Variants in UNC13C observed in about 807,000 individuals in gnomAD.
UNC13C encodes the protein protein unc-13 homolog C.
Under a neutral mutation model 245.4 loss-of-function variants are expected in UNC13C, and 174 were observed. That is an observed-to-expected ratio of 0.71 (90% confidence interval 0.63 to 0.80). UNC13C has a LOEUF of 0.80. UNC13C is among the 30% of genes least tolerant of loss of function. UNC13C has a pLI of 0.00. For missense variants in UNC13C, 2,829 were observed against 2,602.9 expected (o/e 1.09, Z -1.89); for synonymous variants, 992 against 895.1 (o/e 1.11, Z -1.93).
chr15:54,050,213 C>T, intron 2 of UNC13C: 1 of 523,756 alleles, frequency 1.9e-6, no homozygotes, highest in East Asian at 5.1e-5. Context: ...CTCAGGTGAT[C>T]CACCCACCTC....
intron 4 of UNC13C, among the ~76,000 whole-genome samples, chr15:54,192,429 G>A (rs1209001163): frequency 1.3e-5 from 2 of 151,994 alleles, no homozygotes; most frequent in African/African-American, 4.8e-5. Context: ...AGTGCATTTG[G>A]ACACAGGGTG....
chr15:54,237,506 A>G, intron 6 of UNC13C, 113 bp from the exon 7 acceptor site: 1 of 808,556 alleles, frequency 1.2e-6, no homozygotes, highest in Admixed American at 2.0e-5. Flanking sequence ...GGTCCTTACT[A>G]ACTAAAATAT....
intron 2 of UNC13C, among the ~76,000 whole-genome samples, chr15:54,141,270 A>G (rs188113174): frequency 3.0e-4 from 46 of 152,256 alleles, no homozygotes; most frequent in African/African-American, 1.1e-3. Context: ...TTTGATTACT[A>G]GATATAAAAT....
chr15:54,226,937 TCTC>T (rs2035402367), intron 4 of UNC13C, among the ~76,000 whole-genome samples: 4 of 152,140 alleles, frequency 2.6e-5, no homozygotes, highest in African/African-American at 7.2e-5. Context: ...CAGCAGCTCT[TCTC>T]CTTCTCATTA....
rs559276419 is a variant in UNC13C at position 54,002,828 on chromosome 15, T to C, written c.-256-9820T>C. Reference sequence around the variant, plus strand: ...TTAAGGACAGAGTTAGATTGCCCTATCAAAGAATGTTGGGCACAGTGGGAA... The same window carrying C: ...TTAAGGACAGAGTTAGATTGCCCTACCAAAGAATGTTGGGCACAGTGGGAA... On this transcript the variant is annotated intron_variant, in intron 1 of 32. Transcript: ENST00000260323. Among the ~76,000 whole-genome samples, 3 of 152,266 alleles carry C rather than the reference T, an allele frequency of 2.0e-5. No homozygotes were observed. The South Asian group carries it at 6.2e-4, about 32-fold the overall frequency.
chr15:54,118,411 A>C (rs2030428176), intron 2 of UNC13C, among the ~76,000 whole-genome samples: 1 of 151,844 alleles, frequency 6.6e-6, no homozygotes, highest in African/African-American at 2.4e-5. Context: ...TCTTGTAGCT[A>C]TTTTAATTGG....
intron 4 of UNC13C, among the ~76,000 whole-genome samples, chr15:54,202,185 G>A (rs1280932408): frequency 1.3e-5 from 2 of 151,876 alleles, no homozygotes; most frequent in African/African-American, 4.8e-5. Context: ...CCAACAAATG[G>A]AAACACATCT....
the UNC13C span, among the ~76,000 whole-genome samples, chr15:53,972,356 G>A: frequency 6.6e-6 from 1 of 152,132 alleles, no homozygotes. Context: ...ACTAGGAAAC[G>A]GGAGAATCTG....
chr15:54,257,528 T>C (rs574063474), intron 8 of UNC13C, among the ~76,000 whole-genome samples: 44 of 152,308 alleles, frequency 2.9e-4, no homozygotes, highest in African/African-American at 1.1e-3. Flanking sequence ...TTTGGCAGTT[T>C]TTTGTAGGCT....
chr15:54,491,198 T>G (rs1189083997), intron 19 of UNC13C, among the ~76,000 whole-genome samples: 1 of 152,144 alleles, frequency 6.6e-6, no homozygotes, highest in African/African-American at 2.4e-5. Flanking sequence ...CATGTACAAA[T>G]GCTCTTGGAA....
In UNC13C at chr15:53,984,499, T is replaced by C. The variant is rs529361253; in HGVS notation, c.-257+5572T>C. ...TTAAGTACAGTGTTTGTGCAAACTT[T>C]GGCAAGTTACTTAAAATTTCTGCAT... On this transcript the variant is annotated intron_variant, in intron 1 of 32. Transcript: ENST00000260323. Among the ~76,000 whole-genome samples the C allele has an allele frequency of 2.0e-5, 3 of 152,306 alleles. No individual in the cohort carries two copies. In the East Asian group the frequency reaches 5.8e-4, roughly 29 times the overall value.
At chr15:54,566,829 C>T (rs964475841) in intron 29 of UNC13C, among the ~76,000 whole-genome samples, 7 of 152,012 alleles carry the variant, frequency 4.6e-5, no homozygotes, top group East Asian at 1.9e-4. Flanking sequence ...TTTAGGAGAG[C>T]GTCTCTGAAT....
the UNC13C span, among the ~76,000 whole-genome samples, chr15:53,870,668 C>T: frequency 6.6e-6 from 1 of 152,150 alleles, no homozygotes; most frequent in Non-Finnish European, 1.5e-5. Context: ...TGACATATGC[C>T]AGGCAAGAGT....
intron 2 of UNC13C, among the ~76,000 whole-genome samples, chr15:54,025,179 C>G (rs1896058866): frequency 6.6e-6 from 1 of 152,216 alleles, no homozygotes; most frequent in African/African-American, 2.4e-5. Flanking sequence ...CTCCAAGCAT[C>G]TTCACTGCCC....
intron 2 of UNC13C, among the ~76,000 whole-genome samples, chr15:54,106,660 C>A (rs1222126779): frequency 1.3e-5 from 2 of 152,184 alleles, no homozygotes; most frequent in Admixed American, 6.5e-5. Context: ...ATTTCCCCCA[C>A]CAAATTTATT....
rs143258487 is a variant in UNC13C at position 54,293,399 on chromosome 15, A to C, written c.3819-496A>C. Among the ~76,000 whole-genome samples the C allele has an allele frequency of 8.8e-3, 1,341 of 152,086 alleles. 24 individuals are homozygous for C. The highest frequency in any genetic ancestry group is 0.031 in the African/African-American group (1,299 of 41,522). On this transcript the variant is annotated intron_variant, in intron 10 of 32. Transcript: ENST00000260323. ...ATCAGAAGGATTTTGCTCTAATTCT[A>C]CTTGATTTAATAATATCTTATGTGC...
At chr15:54,010,846 G>A (rs1369304969) in intron 1 of UNC13C, among the ~76,000 whole-genome samples, 1 of 152,066 alleles carries the variant, frequency 6.6e-6, no homozygotes, top group Non-Finnish European at 1.5e-5. Context: ...AATGACTCCT[G>A]GGTATATGCT....
intron 2 of UNC13C, chr15:54,050,682 G>A (rs1897238243): frequency 1.9e-6 from 1 of 525,024 alleles, no homozygotes; most frequent in Non-Finnish European, 3.8e-6. Flanking sequence ...AAACTCTTTG[G>A]AAACCGGTGA....
chr15:54,251,999 A>G (rs2036164000), intron 8 of UNC13C, among the ~76,000 whole-genome samples: 1 of 152,206 alleles, frequency 6.6e-6, no homozygotes, highest in Admixed American at 6.5e-5. Context: ...AGTTAAGAAT[A>G]ATTATTTTAA....
Sources: gnomAD v4.1 joint callset for allele counts (sites outside exome capture counted in the v4.1 genomes callset) on GRCh38, gnomAD v4.1.1 for gene constraint, MANE v1.5 for transcripts, NCBI Gene and HGNC (gene_info 2026-07-23, HGNC 2026-07-21) for gene names.